NOX4: variants seen among roughly 807,000 people sequenced by gnomAD.
NOX4 encodes kidney oxidase-1.
In NOX4, 69 loss-of-function variants were observed where a neutral mutation model predicts 87.6. The observed-to-expected ratio is 0.79, with a 90% CI of 0.65 to 0.96. The LOEUF is 0.96. Ranked by LOEUF, NOX4 falls within the 40% of genes least tolerant of loss-of-function variation. NOX4 has a pLI of 0.00. For synonymous variants in NOX4, 275 were observed against 238.2 expected, an observed-to-expected ratio of 1.15 and a Z score of -1.42; for missense variants, 680 against 681.5, an observed-to-expected ratio of 1.00 and a Z score of 0.02.
intron 8 of NOX4, among the ~76,000 whole-genome samples, chr11:89,420,414 G>A (rs1327078611): frequency 6.6e-6 from 1 of 152,046 alleles, no homozygotes; most frequent in African/African-American, 2.4e-5. Flanking sequence ...TTAAAGAGCA[G>A]AATGTAAAGC....
the NOX4 span, among the ~76,000 whole-genome samples, chr11:89,553,201 A>G: frequency 8.5e-5 from 13 of 152,132 alleles, no homozygotes; most frequent in Non-Finnish European, 2.9e-5. Flanking sequence ...TCCAGCTGTA[A>G]TCCAAATTGT....
chr11:89,550,760 A>G, the NOX4 span, among the ~76,000 whole-genome samples: 14 of 152,042 alleles, frequency 9.2e-5, no homozygotes, highest in South Asian at 4.2e-4. Flanking sequence ...CACTCTGATG[A>G]TAGTTTCTTT....
the NOX4 span, among the ~76,000 whole-genome samples, chr11:89,531,296 C>T: frequency 6.6e-6 from 1 of 152,170 alleles, no homozygotes; most frequent in African/African-American, 2.4e-5. Context: ...CTCTCACCAA[C>T]ACATTCAACT....
chr11:89,551,065 G>C, the NOX4 span, among the ~76,000 whole-genome samples: 63 of 152,128 alleles, frequency 4.1e-4, no homozygotes, highest in African/African-American at 1.4e-3. Flanking sequence ...GCTTGTTGGT[G>C]TCAGGTTTGT....
intron 4 of NOX4, among the ~76,000 whole-genome samples, chr11:89,447,953 A>G (rs2135378427): frequency 6.6e-6 from 1 of 152,288 alleles, no homozygotes; most frequent in East Asian, 1.9e-4. Context: ...AATGCTTGGC[A>G]ATTTTTTACC....
At chr11:89,415,233 T>A (rs1031805983) in intron 8 of NOX4, among the ~76,000 whole-genome samples, 2 of 152,062 alleles carry the variant, frequency 1.3e-5, no homozygotes, top group African/African-American at 2.4e-5. Context: ...TATCTAAAAC[T>A]AGAGAATTAT....
At chr11:89,557,467 A>T in the NOX4 span, among the ~76,000 whole-genome samples, 1 of 152,188 alleles carries the variant, frequency 6.6e-6, no homozygotes, top group Non-Finnish European at 1.5e-5. Flanking sequence ...AATTCATGCC[A>T]CATCACTGGC....
chr11:89,569,753 C>T, the NOX4 span, among the ~76,000 whole-genome samples: 2 of 152,040 alleles, frequency 1.3e-5, no homozygotes, highest in South Asian at 4.2e-4. Context: ...CCTGTAATCC[C>T]AGTACTTTGG....
intron 13 of NOX4, among the ~76,000 whole-genome samples, chr11:89,350,550 T>C (rs762661876): frequency 6.6e-5 from 10 of 152,198 alleles, no homozygotes; most frequent in Non-Finnish European, 1.0e-4. Flanking sequence ...TGCAATGATC[T>C]GTAAATACTC....
intron 11 of NOX4, among the ~76,000 whole-genome samples, chr11:89,384,087 A>C (rs998001642): frequency 6.6e-6 from 1 of 152,134 alleles, no homozygotes; most frequent in Non-Finnish European, 1.5e-5. Context: ...CTGTCCAAAA[A>C]CCAGACAAGT....
At chr11:89,365,774 A>AAAC (rs1938931881) in intron 12 of NOX4, among the ~76,000 whole-genome samples, 1 of 151,432 alleles carries the variant, frequency 6.6e-6, no homozygotes, top group African/African-American at 2.4e-5. Context: ...AAAAAAAAAA[A>AAAC]AACAGGAGAT....
intron 2 of NOX4, among the ~76,000 whole-genome samples, chr11:89,472,076 A>G (rs1012050284): frequency 1.3e-5 from 2 of 152,148 alleles, no homozygotes; most frequent in African/African-American, 2.4e-5. Context: ...GGTTATTTTG[A>G]TAAGGTTTCA....
chr11:89,505,348 G>A, the NOX4 span, among the ~76,000 whole-genome samples: 1 of 151,916 alleles, frequency 6.6e-6, no homozygotes, highest in Non-Finnish European at 1.5e-5. Flanking sequence ...GTTGTTAAAT[G>A]AGTAAATAAA....
At chr11:89,547,079 T>G in the NOX4 span, among the ~76,000 whole-genome samples, 2 of 152,298 alleles carry the variant, frequency 1.3e-5, no homozygotes, top group South Asian at 4.1e-4. Flanking sequence ...CAATGAATGT[T>G]CAACATTATT....
At chr11:89,415,167 T>G (rs1333294441) in intron 8 of NOX4, among the ~76,000 whole-genome samples, 1 of 152,010 alleles carries the variant, frequency 6.6e-6, no homozygotes, top group African/African-American at 2.4e-5. Flanking sequence ...AAACAAAAAA[T>G]TAATGTGTGT....
At chr11:89,361,129 A>G (rs1351211784) in intron 12 of NOX4, among the ~76,000 whole-genome samples, 6 of 152,086 alleles carry the variant, frequency 3.9e-5, no homozygotes, top group Admixed American at 3.9e-4. Flanking sequence ...AAGTCATTAC[A>G]TGAAAAAGAC....
intron 2 of NOX4, among the ~76,000 whole-genome samples, chr11:89,458,684 C>A (rs1945316903): frequency 6.6e-6 from 1 of 152,104 alleles, no homozygotes; most frequent in Non-Finnish European, 1.5e-5. Flanking sequence ...TACAGCTGGC[C>A]AACAAGCATA....
chr11:89,525,045 G>A, the NOX4 span, among the ~76,000 whole-genome samples: 3 of 151,942 alleles, frequency 2.0e-5, no homozygotes, highest in Non-Finnish European at 4.4e-5. Context: ...TAATTGTTGA[G>A]TAGTTATCCA....
the NOX4 span, among the ~76,000 whole-genome samples, chr11:89,524,260 G>A: frequency 6.6e-6 from 1 of 152,136 alleles, no homozygotes; most frequent in Middle Eastern, 3.2e-3. Flanking sequence ...TGTCAAGTAG[G>A]TTTAAGTTAG....
Sources: gnomAD v4.1 joint callset for allele counts (sites outside exome capture counted in the v4.1 genomes callset) on GRCh38, gnomAD v4.1.1 for gene constraint, MANE v1.5 for transcripts, NCBI Gene and HGNC (gene_info 2026-07-23, HGNC 2026-07-21) for gene names.